The following DPP6 variants were observed in gnomAD, a reference collection of about 807,000 sequenced individuals.
DPP6 encodes the protein dipeptidyl peptidase like 6.
DPP6 carries 69 observed loss-of-function variants against 122.6 expected under a neutral mutation model. The observed-to-expected ratio is 0.56, with a 90% CI of 0.46 to 0.69. The LOEUF (loss-of-function observed/expected upper bound fraction) is 0.69. Among genes scored for constraint, DPP6 ranks in the 30% least tolerant of loss-of-function variants. The pLI, the probability that DPP6 is intolerant of heterozygous loss-of-function variation, is 0.00. For missense variants in DPP6, 928 were observed against 1,116.9 expected (o/e 0.83, Z 2.41); for synonymous variants, 418 against 433.1 (o/e 0.97, Z 0.43).
At chr7:153,873,262 T>C in the DPP6 span, among the ~76,000 whole-genome samples, 1 of 152,210 alleles carries the variant, frequency 6.6e-6, no homozygotes, top group Non-Finnish European at 1.5e-5. Flanking sequence ...GCATCTGCCC[T>C]CATGACACAA....
At chr7:154,689,262 C>A (rs1191406393) in intron 7 of DPP6, among the ~76,000 whole-genome samples, 1 of 152,142 alleles carries the variant, frequency 6.6e-6, no homozygotes, top group Non-Finnish European at 1.5e-5. Flanking sequence ...TTCAGGAAGG[C>A]CATTTCTATT....
intron 1 of DPP6, among the ~76,000 whole-genome samples, chr7:154,157,514 C>T (rs191887793): frequency 1.8e-3 from 281 of 152,292 alleles, no homozygotes; most frequent in African/African-American, 6.4e-3. Flanking sequence ...GTGACAAAAA[C>T]AATAGTCCCC....
chr7:154,223,730 T>A (rs1800435598), intron 1 of DPP6, among the ~76,000 whole-genome samples: 1 of 149,376 alleles, frequency 6.7e-6, no homozygotes, highest in African/African-American at 2.6e-5. Context: ...GTGTGCCACA[T>A]CTTCCTAGAA....
chr7:153,877,138 C>T, the DPP6 span, among the ~76,000 whole-genome samples: 1 of 151,806 alleles, frequency 6.6e-6, no homozygotes, highest in East Asian at 1.9e-4. Context: ...CAAAAAAAAC[C>T]CTTTTCTTTT....
intron 3 of DPP6, among the ~76,000 whole-genome samples, chr7:154,499,179 G>A (rs1825007877): frequency 6.6e-6 from 1 of 152,160 alleles, no homozygotes; most frequent in East Asian, 1.9e-4. Context: ...TGGGTTTGGG[G>A]CAGGTGACTG....
chr7:154,552,346 A>C (rs1829699161), intron 4 of DPP6, among the ~76,000 whole-genome samples: 1 of 152,216 alleles, frequency 6.6e-6, no homozygotes, highest in Admixed American at 6.5e-5. Context: ...AATTCAAACA[A>C]AAACCCTTAC....
the DPP6 span, among the ~76,000 whole-genome samples, chr7:153,756,807 TTA>T: frequency 6.6e-6 from 1 of 151,862 alleles, no homozygotes; most frequent in East Asian, 1.9e-4. Flanking sequence ...GAAAATCTAT[TTA>T]TGTTATTTTG....
intron 1 of DPP6, among the ~76,000 whole-genome samples, chr7:154,012,290 AT>A (rs1798188405): frequency 2.0e-5 from 3 of 152,228 alleles, no homozygotes; most frequent in Non-Finnish European, 4.4e-5. Context: ...AAACTATTAA[AT>A]TTCTAGAGGA....
Position 154,769,510 on chromosome 7 carries a change from T to A in DPP6, c.977T>A (p.Met326Lys). ...ATCAATGATTCCCGTGTCCCCATCATGGAGCTCCCAACTTACACCGGCTCC... is the reference window on the plus strand; with the variant it reads ...ATCAATGATTCCCGTGTCCCCATCAAGGAGCTCCCAACTTACACCGGCTCC... The part of the protein sequence containing the change: ...AAINDSRVPI[M>K]ELPTYTGSIY... The change falls in exon 9 of 26, where the codon ATG (methionine) becomes AAG (lysine). Residue 326 changes from methionine to lysine, a missense_variant. Met to Lys is a moderately conservative substitution (Grantham distance 95). Coordinates refer to ENST00000377770, the MANE Select transcript of DPP6 (RefSeq NM_130797.4). The A allele has an allele frequency of 6.2e-7, 1 of 1,613,666 alleles. No individual in the cohort carries two copies. The highest frequency in any genetic ancestry group is 8.5e-7 in the Non-Finnish European group (1 of 1,179,746).
chr7:154,405,494 C>A (rs148876961), intron 1 of DPP6, among the ~76,000 whole-genome samples: 2 of 152,162 alleles, frequency 1.3e-5, no homozygotes, highest in Non-Finnish European at 2.9e-5. Context: ...TTTGTCGTCT[C>A]TTAAAAAAAG....
At chr7:154,488,338 AAGTT>A (rs1291689857) in intron 3 of DPP6, among the ~76,000 whole-genome samples, 1 of 151,868 alleles carries the variant, frequency 6.6e-6, no homozygotes, top group Middle Eastern at 3.2e-3. Flanking sequence ...AATACAAAAA[AAGTT>A]AGCCGGGCGT....
At chr7:154,299,763 G>A (rs1428013803) in intron 1 of DPP6, among the ~76,000 whole-genome samples, 1 of 152,218 alleles carries the variant, frequency 6.6e-6, no homozygotes, top group Non-Finnish European at 1.5e-5. Flanking sequence ...GCTTTCGTCT[G>A]CACATAGTAG....
At chr7:154,420,198 G>T (rs939832154) in intron 1 of DPP6, among the ~76,000 whole-genome samples, 1 of 152,094 alleles carries the variant, frequency 6.6e-6, no homozygotes, top group Non-Finnish European at 1.5e-5. Flanking sequence ...TTAGCTGGGC[G>T]TGGTGGCGGG....
In DPP6 at chr7:154,061,224, G is replaced by C. The variant is rs2429609; in HGVS notation, c.243+8161G>C. On this transcript the variant is annotated intron_variant, in intron 1 of 25. Coordinates refer to ENST00000377770, the MANE Select transcript of DPP6 (RefSeq NM_130797.4). Reference sequence around the variant, plus strand: ...CCAAGCCTTTGTATGAGGTCACAAAGGGGGCGGGGACCCGGAACTTTTGAA... The same window carrying C: ...CCAAGCCTTTGTATGAGGTCACAAACGGGGCGGGGACCCGGAACTTTTGAA... 4.3e-3 allele frequency among the ~76,000 whole-genome samples: 642 copies of C among 147,994 alleles called. No individual in the cohort carries two copies. Among genetic ancestry groups the C allele is most frequent in the East Asian group, 6.2e-3 (31 of 5,034 alleles).
At chr7:153,822,152 C>T in the DPP6 span, among the ~76,000 whole-genome samples, 106,082 of 136,778 alleles carry the variant, frequency 0.78, 41,635 homozygotes, top group Admixed American at 0.84. Flanking sequence ...GTGAGCTGCT[C>T]GCAGTGAAAA....
intron 1 of DPP6, among the ~76,000 whole-genome samples, chr7:154,345,297 C>G (rs1810301335): frequency 6.6e-6 from 1 of 152,136 alleles, no homozygotes; most frequent in African/African-American, 2.4e-5. Flanking sequence ...TCACCACTTC[C>G]CAAGGTCTTA....
chr7:154,317,463 C>G (rs1354909824), intron 1 of DPP6, among the ~76,000 whole-genome samples: 1 of 152,182 alleles, frequency 6.6e-6, no homozygotes, highest in Non-Finnish European at 1.5e-5. Context: ...CACCATTATG[C>G]TAAGGTACCT....
At chr7:154,882,339 T>G (rs1446276469) in intron 21 of DPP6, among the ~76,000 whole-genome samples, 3 of 152,236 alleles carry the variant, frequency 2.0e-5, no homozygotes, top group Admixed American at 2.0e-4. Context: ...GGATCTTTCC[T>G]TTGCCATTCT....
intron 1 of DPP6, among the ~76,000 whole-genome samples, chr7:154,378,203 A>C (rs1376189811): frequency 6.6e-6 from 1 of 152,190 alleles, no homozygotes; most frequent in East Asian, 1.9e-4. Flanking sequence ...GTGAGAGTTT[A>C]TACATCATTT....
Sources: gnomAD v4.1 joint callset for allele counts (sites outside exome capture counted in the v4.1 genomes callset) on GRCh38, gnomAD v4.1.1 for gene constraint, MANE v1.5 for transcripts, NCBI Gene and HGNC (gene_info 2026-07-23, HGNC 2026-07-21) for gene names.